DLG2: variants seen among roughly 807,000 people sequenced by gnomAD.
DLG2 encodes discs large MAGUK scaffold protein 2.
DLG2 carries 45 observed loss-of-function variants against 132.5 expected under a neutral mutation model. That is an observed-to-expected ratio of 0.34 (90% CI 0.27 to 0.44). The LOEUF is 0.44. Ranked by LOEUF, DLG2 falls within the 20% of genes least tolerant of loss-of-function variation. The pLI is 1.00. For missense variants in DLG2, 1,045 were observed against 1,196.9 expected (o/e 0.87, Z 1.87); for synonymous variants, 424 against 419.6 (o/e 1.01, Z -0.13).
intron 14 of DLG2, among the ~76,000 whole-genome samples, chr11:83,950,801 T>G (rs775632435): frequency 3.2e-4 from 49 of 152,280 alleles, no homozygotes; most frequent in Non-Finnish European, 5.9e-5. Flanking sequence ...TGGAAGAAGC[T>G]GTTCCTGACT....
chr11:84,650,865 G>A (rs868814607), intron 6 of DLG2, among the ~76,000 whole-genome samples: 7,828 of 82,760 alleles, frequency 0.095, 261 homozygotes, highest in African/African-American at 0.17. Context: ...GTGTGTGTGT[G>A]TGTGTGTGTA....
chr11:83,765,765 A>G (rs938299420), intron 18 of DLG2, among the ~76,000 whole-genome samples: 1 of 152,230 alleles, frequency 6.6e-6, no homozygotes, highest in Non-Finnish European at 1.5e-5. Flanking sequence ...GAGGCACAAT[A>G]TATGTACAAT....
At chr11:84,204,163 G>T (rs1437346810) in intron 8 of DLG2, among the ~76,000 whole-genome samples, 1 of 152,088 alleles carries the variant, frequency 6.6e-6, no homozygotes, top group African/African-American at 2.4e-5. Flanking sequence ...CTCCATGTTT[G>T]TCAGGCTGGT....
chr11:84,334,220 A>G (rs2098473785), intron 7 of DLG2, among the ~76,000 whole-genome samples: 2 of 152,214 alleles, frequency 1.3e-5, no homozygotes, highest in Non-Finnish European at 2.9e-5. Flanking sequence ...GATAAAGGAA[A>G]GCTATTGTCA....
At position 83,530,652 on chromosome 11, in the gene DLG2, G is replaced by A. The variant is rs917425641; in HGVS notation, c.2193+2056C>T. On this transcript the variant is annotated intron_variant, in intron 21 of 27. Transcript: ENST00000376104. ...CACAGCTAACATCACACTTCATGGC[G>A]AAAGACCGAATGCATTTCTGTTAAT... Among the ~76,000 whole-genome samples the A allele has an allele frequency of 3.9e-5, 6 of 151,952 alleles. No individual in the cohort carries two copies. In the East Asian group the frequency reaches 5.8e-4, roughly 15 times the overall value.
At chr11:85,508,138 C>T (rs2093977622) in intron 3 of DLG2, among the ~76,000 whole-genome samples, 1 of 152,110 alleles carries the variant, frequency 6.6e-6, no homozygotes, top group African/African-American at 2.4e-5. Context: ...AGCTTATTTG[C>T]AATGGGTTCA....
At chr11:84,567,068 T>C (rs1023767601) in intron 6 of DLG2, among the ~76,000 whole-genome samples, 2 of 152,148 alleles carry the variant, frequency 1.3e-5, no homozygotes, top group African/African-American at 4.8e-5. Flanking sequence ...GTGGTATGCT[T>C]ACTACAGCTG....
At chr11:84,270,928 A>G (rs1026081882) in intron 7 of DLG2, among the ~76,000 whole-genome samples, 2 of 152,252 alleles carry the variant, frequency 1.3e-5, no homozygotes, top group African/African-American at 2.4e-5. Context: ...TAGGATATGT[A>G]TACTTCAGGA....
intron 7 of DLG2, among the ~76,000 whole-genome samples, chr11:84,483,452 T>TAAAAAAAA (rs2099143120): frequency 3.5e-4 from 3 of 8,562 alleles, no homozygotes; most frequent in African/African-American, 4.5e-4. Flanking sequence ...AAAAAAAAAT[T>TAAAAAAAA]AAACCCTGCT....
chr11:83,588,368 G>T (rs1251117215), intron 19 of DLG2, among the ~76,000 whole-genome samples: 1 of 151,788 alleles, frequency 6.6e-6, no homozygotes, highest in East Asian at 1.9e-4. Context: ...CCCCCAGCAG[G>T]GGCACACTGA....
chr11:84,764,910 G>A (rs1366428934), intron 6 of DLG2, among the ~76,000 whole-genome samples: 1 of 152,062 alleles, frequency 6.6e-6, no homozygotes, highest in African/African-American at 2.4e-5. Context: ...GGATGAATGT[G>A]TGTAATGCTA....
chr11:84,589,364 T>C (rs996612409), intron 6 of DLG2, among the ~76,000 whole-genome samples: 3 of 152,218 alleles, frequency 2.0e-5, no homozygotes, highest in Admixed American at 2.0e-4. Flanking sequence ...CATGAGACCA[T>C]AGAGTTTTAA....
At chr11:85,428,079 A>G (rs1304491263) in intron 3 of DLG2, among the ~76,000 whole-genome samples, 1 of 152,236 alleles carries the variant, frequency 6.6e-6, no homozygotes, top group Admixed American at 6.5e-5. Flanking sequence ...AGAGCTAACT[A>G]TCCTAAATAT....
rs987330912 is a variant in DLG2 at position 83,659,213 on chromosome 11, T to G, written c.1826-25888A>C. 1.6e-4 allele frequency among the ~76,000 whole-genome samples: 25 copies of G among 152,226 alleles called. 1 individual carries two copies. The highest frequency in any genetic ancestry group is 4.1e-4 in the South Asian group (2 of 4,820). On this transcript the variant is annotated intron_variant, in intron 18 of 27. Coordinates refer to ENST00000376104, the MANE Select transcript of DLG2 (RefSeq NM_001142699.3). ...AGAACTTTACCTGTGTTAACTCATT[T>G]AACAAGTCTATAAGGTAGGTACTGT... is the stretch of plus-strand genomic sequence containing the variant.
intron 17 of DLG2, among the ~76,000 whole-genome samples, chr11:83,827,084 A>C (rs1049758397): frequency 2.6e-5 from 4 of 152,160 alleles, no homozygotes; most frequent in Non-Finnish European, 4.4e-5. Context: ...AGAGCCAGAG[A>C]GGAACGGCAC....
chr11:84,051,373 C>G (rs2096375506), intron 11 of DLG2, among the ~76,000 whole-genome samples: 1 of 151,898 alleles, frequency 6.6e-6, no homozygotes, highest in Non-Finnish European at 1.5e-5. Flanking sequence ...TGGAACCAAC[C>G]CAAATGTCCA....
chr11:84,885,529 A>G (rs1204363951), intron 6 of DLG2, among the ~76,000 whole-genome samples: 2 of 152,050 alleles, frequency 1.3e-5, no homozygotes, highest in Non-Finnish European at 2.9e-5. Flanking sequence ...GTTTTATAGT[A>G]TGGAAATCAG....
chr11:84,544,834 A>G (rs1293819042), intron 6 of DLG2, among the ~76,000 whole-genome samples: 3 of 152,196 alleles, frequency 2.0e-5, no homozygotes, highest in African/African-American at 7.2e-5. Flanking sequence ...CGTAACAACA[A>G]CAGCCACAAC....
intron 6 of DLG2, among the ~76,000 whole-genome samples, chr11:84,662,777 A>C: frequency 8.2e-6 from 1 of 122,656 alleles, no homozygotes; most frequent in Non-Finnish European, 1.7e-5. Flanking sequence ...ATAGAGCAAG[A>C]CTCTGTCACA....
Sources: allele counts gnomAD v4.1 joint callset (sites outside exome capture counted in the v4.1 genomes callset), GRCh38; gene constraint gnomAD v4.1.1; transcripts MANE v1.5; gene names NCBI Gene and HGNC (gene_info 2026-07-23, HGNC 2026-07-21).